PIK3R6: variants seen among roughly 807,000 people sequenced by gnomAD.
The protein encoded by PIK3R6 is phosphoinositide 3-kinase regulatory subunit 6.
In PIK3R6, 91 loss-of-function variants were observed where a neutral mutation model predicts 84.9. The ratio of observed to expected loss-of-function variants is 1.07; its 90% confidence interval spans 0.90 to 1.28. PIK3R6 has a LOEUF of 1.28. PIK3R6 is among the 50% of genes most tolerant of loss of function. The pLI, the probability that PIK3R6 is intolerant of heterozygous loss-of-function variation, is 0.00. For missense variants in PIK3R6, 996 were observed against 985.1 expected (o/e 1.01, Z -0.15); for synonymous variants, 416 against 411.4 (o/e 1.01, Z -0.13).
At chr17:8,832,222 T>C (rs145542400) in intron 9 of PIK3R6, among the ~76,000 whole-genome samples, 1 of 152,284 alleles carries the variant, frequency 6.6e-6, no homozygotes, top group African/African-American at 2.4e-5. Context: ...GGGATAATAA[T>C]AGTTTCTGCT....
rs1394751412 is a variant in PIK3R6 at position 8,835,414 on chromosome 17, C to G, written c.504G>C (p.Val168=). 6.2e-7 allele frequency: 1 copy of G among 1,604,452 alleles called. No individual in the cohort carries two copies. The highest frequency in any genetic ancestry group is 1.3e-5 in the African/African-American group (1 of 74,772). ...CGATCTCCAGTAGCAGAGCACTGCA[C>G]ACAGACGCAGACACCAGCTCAGGAT... ...FVDPELVSAS[V]CSALLLEIEA... is the part of the protein sequence containing the mutation. The change falls in exon 8 of 20, where the codon GTG becomes GTC. Residue 168 remains valine, a synonymous_variant. Coordinates refer to ENST00000619866, the MANE Select transcript of PIK3R6 (RefSeq NM_001010855.4).
chr17:8,828,770 C>T lies in PIK3R6; in HGVS notation c.1110G>A (p.Gly370=). 1 of 1,591,992 alleles carries T rather than the reference C, an allele frequency of 6.3e-7. No homozygotes were observed. Among genetic ancestry groups the T allele is most frequent in the East Asian group, 2.2e-5 (1 of 44,448 alleles). The change falls in exon 11 of 20, where the codon GGG becomes GGA. Residue 370 remains glycine, a synonymous_variant. Coordinates refer to ENST00000619866, the MANE Select transcript of PIK3R6 (RefSeq NM_001010855.4). ...GGGGCCATGCACGCTTCTTGATGCC[C>T]CCTTTGCGCTGCAGCCCGGCTCGCT... ...EMERAGLQRK[G]GIKKRAWPLD...
At position 8,867,627 on chromosome 17, in the gene PIK3R6, G is replaced by T. The variant is rs771865736; in HGVS notation, c.-190C>A. 38 of 502,806 alleles carry T rather than the reference G, an allele frequency of 7.6e-5. No individual in the cohort carries two copies. Among genetic ancestry groups the T allele is most frequent in the Non-Finnish European group, 1.2e-4 (29 of 249,680 alleles). The allele number at this position is 502,806 out of a possible 1,614,324, so 31.1% of individuals were successfully genotyped here. ...GTCCCAGAGAAGCAGATGTCTTGGG[G>T]GAGCCTCCACGGGTGTCTGTGGTCT... On this transcript the variant is annotated 5_prime_UTR_variant, in exon 1 of 20. Transcript: ENST00000619866.
At chr17:8,832,798 A>T in intron 9 of PIK3R6, 91 bp downstream of exon 9, 1 of 1,569,754 alleles carries the variant, frequency 6.4e-7, no homozygotes, top group Non-Finnish European at 8.7e-7. Context: ...AGACAGAGGC[A>T]GGTCCAGCGC....
intron 12 of PIK3R6, among the ~76,000 whole-genome samples, chr17:8,827,499 C>T (rs1025495832): frequency 1.3e-5 from 2 of 152,140 alleles, no homozygotes; most frequent in Admixed American, 6.6e-5. Flanking sequence ...TCAGCAGGGA[C>T]ATTGAAAAAT....
rs538187162 is a variant in PIK3R6 at position 8,859,953 on chromosome 17, G to T, written c.-92+7576C>A. Among the ~76,000 whole-genome samples, 4 of 152,190 alleles carry T rather than the reference G, an allele frequency of 2.6e-5. No individual in the cohort carries two copies. The South Asian group carries it at 8.3e-4, about 32-fold the overall frequency. On this transcript the variant is annotated intron_variant, in intron 1 of 19. Coordinates refer to ENST00000619866, the MANE Select transcript of PIK3R6 (RefSeq NM_001010855.4). ...CCCAGTCTCTCTCTCTATCCTATTT[G>T]TTGTGTTCCTCTGGAGTGGCCTGAC...
Position 8,835,231 on chromosome 17 carries a change from C to T in PIK3R6, c.645+42G>A, listed in dbSNP as rs759974230. 24 of 1,443,396 alleles carry T rather than the reference C, an allele frequency of 1.7e-5. No individual in the cohort carries two copies. In the Admixed American group the frequency reaches 2.0e-4, roughly 12 times the overall value. 89.4% of individuals were successfully genotyped at this position (1,443,396 alleles called of 1,614,324 possible). On this transcript the variant is annotated intron_variant, in intron 8 of 19. Coordinates refer to ENST00000619866, the MANE Select transcript of PIK3R6 (RefSeq NM_001010855.4). Reference sequence around the variant, plus strand: ...AATGACTGGTATGGGCATGCAGGGACGAGGGCTGGGACTGACAAGGGGCTG... The same window carrying T: ...AATGACTGGTATGGGCATGCAGGGATGAGGGCTGGGACTGACAAGGGGCTG...
At chr17:8,838,415 G>A (rs768314885) in intron 4 of PIK3R6, 149 bp downstream of exon 4, 6 of 617,524 alleles carry the variant, frequency 9.7e-6, no homozygotes, top group African/African-American at 1.8e-5. Context: ...TACTGCTTAC[G>A]TAAAAGTACA....
chr17:8,815,365 G>T (rs1415449754), intron 18 of PIK3R6, among the ~76,000 whole-genome samples: 2 of 152,112 alleles, frequency 1.3e-5, no homozygotes, highest in East Asian at 3.9e-4. Flanking sequence ...AATTAGCACG[G>T]TGTGGTGGCA....
Position 8,840,776 on chromosome 17 carries a change from G to A in PIK3R6, c.14-1079C>T, listed in dbSNP as rs113548471. ...TTGTGTGTGTGTGTGTGTGTGAGAC[G>A]GAGTCTAACTCTGTCATCCAGGCTG... On this transcript the variant is annotated intron_variant, in intron 2 of 19. Transcript: ENST00000619866. 4.9e-3 allele frequency among the ~76,000 whole-genome samples: 707 copies of A among 144,132 alleles called. 9 individuals are homozygous for A. Among genetic ancestry groups the A allele is most frequent in the African/African-American group, 0.018 (685 of 38,606 alleles). 94.6% of individuals were successfully genotyped at this position (144,132 alleles called of 152,430 possible).
chr17:8,830,078 GCTC>G (rs2151244495), intron 9 of PIK3R6, among the ~76,000 whole-genome samples: 1 of 152,296 alleles, frequency 6.6e-6, no homozygotes, highest in African/African-American at 2.4e-5. Flanking sequence ...TCCAACCTAT[GCTC>G]CTATGCTGGC....
At chr17:8,823,233 C>T in intron 14 of PIK3R6, 147 bp from the exon 15 acceptor site, 1 of 807,658 alleles carries the variant, frequency 1.2e-6, no homozygotes, top group East Asian at 2.5e-5. Context: ...TAATAATGAT[C>T]TGATTCATTT....
intron 8 of PIK3R6, 86 bp downstream of exon 8, chr17:8,835,184 GAGA>G (rs1269473503): frequency 1.6e-6 from 2 of 1,273,130 alleles, no homozygotes; most frequent in East Asian, 5.3e-5. Context: ...TGCGAAACAG[GAGA>G]AGGAGGAAGA....
In PIK3R6 at chr17:8,829,295, T is replaced by TAC. The variant is rs570481137; in HGVS notation, c.890-307_890-306dup. ...CACTGACACACACACGCATCATGCA[T>TAC]ACACACACACTGACACACGCATGCA... On this transcript the variant is annotated intron_variant, in intron 10 of 19. Coordinates refer to ENST00000619866, the MANE Select transcript of PIK3R6 (RefSeq NM_001010855.4). Among the ~76,000 whole-genome samples, 168 of 96,664 alleles carry TAC rather than the reference T, an allele frequency of 1.7e-3. 1 individual carries two copies. Among genetic ancestry groups the TAC allele is most frequent in the Middle Eastern group, 9.4e-3 (1 of 106 alleles). The allele number at this position is 96,664 out of a possible 152,430, so 63.4% of individuals were successfully genotyped here.
At chr17:8,819,256 T>C in intron 17 of PIK3R6, 58 bp from the exon 18 acceptor site, 1 of 1,296,056 alleles carries the variant, frequency 7.7e-7, no homozygotes, top group Non-Finnish European at 1.1e-6. Flanking sequence ...GAGTTTGATA[T>C]TCTAGGTCTC....
At chr17:8,866,061 C>T (rs1021986216) in intron 1 of PIK3R6, among the ~76,000 whole-genome samples, 5 of 152,056 alleles carry the variant, frequency 3.3e-5, no homozygotes, top group Admixed American at 3.3e-4. Context: ...TGTGAGGCAG[C>T]GGGGCATGGT....
chr17:8,809,621 C>T (rs1306259036), intron 18 of PIK3R6, among the ~76,000 whole-genome samples: 15 of 152,096 alleles, frequency 9.9e-5, no homozygotes, highest in Admixed American at 9.8e-4. Flanking sequence ...GTAGTGAAAC[C>T]TCTTCTCTAC....
At chr17:8,849,984 C>T (rs1371279966) in intron 1 of PIK3R6, 99 bp from the exon 2 acceptor site, 12 of 607,876 alleles carry the variant, frequency 2.0e-5, no homozygotes, top group South Asian at 8.5e-5. Flanking sequence ...GCTTCTAGCA[C>T]ACTGGGGGGA....
intron 1 of PIK3R6, among the ~76,000 whole-genome samples, chr17:8,855,549 T>C (rs2089114733): frequency 6.6e-6 from 1 of 152,192 alleles, no homozygotes; most frequent in Non-Finnish European, 1.5e-5. Flanking sequence ...GATTTTAAAA[T>C]GAGCAATAGA....
Sources: gnomAD v4.1 joint callset for allele counts (sites outside exome capture counted in the v4.1 genomes callset) on GRCh38, gnomAD v4.1.1 for gene constraint, MANE v1.5 for transcripts, NCBI Gene and HGNC (gene_info 2026-07-23, HGNC 2026-07-21) for gene names.